The following ANKFN1 variants were observed in gnomAD, a reference collection of about 807,000 sequenced individuals.
ANKFN1 encodes the protein ankyrin repeat and fibronectin type III domain containing 1.
In ANKFN1, 74 loss-of-function variants were observed where a neutral mutation model predicts 108.7. That is an observed-to-expected ratio of 0.68 (90% CI 0.56 to 0.83). The LOEUF (loss-of-function observed/expected upper bound fraction) is 0.83. ANKFN1 is among the 40% of genes least tolerant of loss of function. ANKFN1 has a pLI of 0.00. For missense variants in ANKFN1, 1,505 were observed against 1,382.3 expected, an observed-to-expected ratio of 1.09 and a Z score of -1.41; for synonymous variants, 547 against 516.2, an observed-to-expected ratio of 1.06 and a Z score of -0.81.
Position 56,510,826 on chromosome 17 carries a change from C to A in ANKFN1, c.2998C>A (p.Arg1000=). 1.3e-6 allele frequency: 2 copies of A among 1,536,184 alleles called. No individual in the cohort carries two copies. Residue 1000 remains arginine (R), a synonymous_variant, in exon 21 of 21, where the codon CGG becomes AGG. Coordinates refer to ENST00000682825, the MANE Select transcript of ANKFN1 (RefSeq NM_001370326.1). ...GCCCCCGCTAGGCTTCCTGGGAAAG[C>A]GGAAGCCAGGCAAGCACCCCCACTA... ...GRPPLGFLGK[R]KPGKHPHYGG... is the part of the protein sequence containing the mutation.
chr17:56,321,544 T>C, intron 3 of ANKFN1, among the ~76,000 whole-genome samples: 1 of 152,044 alleles, frequency 6.6e-6, no homozygotes, highest in East Asian at 1.9e-4. Flanking sequence ...TTTAAATTTA[T>C]GTCTAACAAA....
upstream of ANKFN1, among the ~76,000 whole-genome samples, chr17:56,152,262 ATGTGTGTGTG>A (rs200366444): frequency 3.6e-4 from 28 of 77,830 alleles, no homozygotes; most frequent in Admixed American, 1.5e-3. Context: ...ATATATATAT[ATGTGTGTGTG>A]TGTGTGTGTG....
chr17:56,300,296 C>G (rs575343777), intron 3 of ANKFN1, among the ~76,000 whole-genome samples: 2 of 152,166 alleles, frequency 1.3e-5, no homozygotes, highest in African/African-American at 4.8e-5. Context: ...AGATGTCGCT[C>G]GATGAGGGCA....
chr17:56,247,892 A>G (rs1019066589), intron 3 of ANKFN1, among the ~76,000 whole-genome samples: 1 of 152,200 alleles, frequency 6.6e-6, no homozygotes, highest in Non-Finnish European at 1.5e-5. Context: ...TTTGTTGCCT[A>G]TATCAAATGT....
In ANKFN1 at chr17:56,492,295, C is replaced by T. The variant is rs1260532338; in HGVS notation, c.2369C>T (p.Ser790Leu). Residue 790 changes from serine (S) to leucine (L), a missense_variant, in exon 19 of 21, where the codon TCA becomes TTA. Coordinates refer to ENST00000682825, the MANE Select transcript of ANKFN1 (RefSeq NM_001370326.1). Reference sequence around the variant, plus strand: ...CAACAGTCCCTCAGGGAAGCAATCTCAGACAGCGAGGTTGCAGCTGCCAAA... The same window carrying T: ...CAACAGTCCCTCAGGGAAGCAATCTTAGACAGCGAGGTTGCAGCTGCCAAA... ...NTQQSLREAI[S>L]DSEVAAAKQR... The T allele has an allele frequency of 4.3e-6, 3 of 702,598 alleles. No homozygotes were observed. Among genetic ancestry groups the T allele is most frequent in the Admixed American group, 2.0e-5 (1 of 50,008 alleles). The allele number at this position is 702,598 out of a possible 1,614,324, so 43.5% of individuals were successfully genotyped here.
chr17:56,089,903 T>C (rs899056762), intron 4 of ANKFN1, among the ~76,000 whole-genome samples: 2 of 151,292 alleles, frequency 1.3e-5, no homozygotes, highest in Non-Finnish European at 3.0e-5. Context: ...ACGTATTGGC[T>C]GGAAAATGGC....
At chr17:56,131,430 T>G (rs1404041794) in intron 4 of ANKFN1, among the ~76,000 whole-genome samples, 1 of 152,152 alleles carries the variant, frequency 6.6e-6, no homozygotes, top group Non-Finnish European at 1.5e-5. Flanking sequence ...GGCCACTAAA[T>G]CAGAAATCTC....
intron 6 of ANKFN1, among the ~76,000 whole-genome samples, chr17:56,354,852 A>T (rs555402843): frequency 6.6e-6 from 1 of 152,336 alleles, no homozygotes; most frequent in South Asian, 2.1e-4. Flanking sequence ...ACTTAAGTTG[A>T]TTCTACACCT....
chr17:56,307,781 A>G (rs1224131959), intron 3 of ANKFN1, among the ~76,000 whole-genome samples: 1 of 152,218 alleles, frequency 6.6e-6, no homozygotes, highest in African/African-American at 2.4e-5. Flanking sequence ...ATGCACACGT[A>G]TGTTTATTGC....
In ANKFN1 at chr17:56,511,420, T is replaced by C. The variant is rs1351627089; in HGVS notation, c.*151T>C. ...GTTACAAGTTCAAGGTCCTCTTTTT[T>C]TGGAACAGAGTGGTGGGTGGAGGCC... On this transcript the variant is annotated 3_prime_UTR_variant, in exon 21 of 21. Coordinates refer to ENST00000682825, the MANE Select transcript of ANKFN1 (RefSeq NM_001370326.1). 8.5e-6 allele frequency: 8 copies of C among 937,648 alleles called. No individual in the cohort carries two copies. The Admixed American group carries it at 2.4e-4, about 28-fold the overall frequency. The allele number at this position is 937,648 out of a possible 1,614,324, so 58.1% of individuals were successfully genotyped here.
chr17:56,106,933 G>A (rs1295848466), intron 4 of ANKFN1, among the ~76,000 whole-genome samples: 1 of 152,166 alleles, frequency 6.6e-6, no homozygotes, highest in Non-Finnish European at 1.5e-5. Context: ...ACACTGAGAG[G>A]TTTTTACAGT....
At chr17:56,115,928 C>A (rs1364362514) in intron 4 of ANKFN1, among the ~76,000 whole-genome samples, 1 of 152,132 alleles carries the variant, frequency 6.6e-6, no homozygotes, top group Non-Finnish European at 1.5e-5. Context: ...AGCACCTTCC[C>A]TACTAGCTAT....
intron 8 of ANKFN1, among the ~76,000 whole-genome samples, chr17:56,432,426 A>G (rs1344095137): frequency 1.3e-5 from 2 of 152,234 alleles, no homozygotes; most frequent in African/African-American, 4.8e-5. Context: ...AAATATTACT[A>G]CACATAGTAA....
chr17:56,420,184 G>A (rs1213532553), intron 8 of ANKFN1, among the ~76,000 whole-genome samples: 2 of 152,172 alleles, frequency 1.3e-5, no homozygotes, highest in African/African-American at 4.8e-5. Flanking sequence ...ATAGATGGAT[G>A]GGAAATGAAT....
chr17:56,363,511 G>A (rs563057212), intron 6 of ANKFN1, among the ~76,000 whole-genome samples: 10 of 152,228 alleles, frequency 6.6e-5, no homozygotes, highest in African/African-American at 1.9e-4. Context: ...AAACTAAGTG[G>A]AGTTTCCTCG....
chr17:56,372,981 G>A, intron 7 of ANKFN1, 141 bp downstream of exon 7: 1 of 841,176 alleles, frequency 1.2e-6, no homozygotes. Flanking sequence ...CAAGGGCTCT[G>A]AGAGGCTGTC....
At chr17:56,368,878 T>G (rs909960641) in intron 6 of ANKFN1, among the ~76,000 whole-genome samples, 40 of 152,234 alleles carry the variant, frequency 2.6e-4, no homozygotes, top group African/African-American at 9.2e-4. Flanking sequence ...TTTTGTGTTC[T>G]GTCGCCAACT....
intron 3 of ANKFN1, among the ~76,000 whole-genome samples, chr17:56,302,709 G>C (rs944334381): frequency 1.3e-5 from 2 of 152,152 alleles, no homozygotes; most frequent in African/African-American, 4.8e-5. Context: ...TAATAAGACA[G>C]AGTATATATT....
intron 11 of ANKFN1, among the ~76,000 whole-genome samples, chr17:56,454,642 G>A (rs1375691130): frequency 1.2e-4 from 18 of 152,194 alleles, no homozygotes; most frequent in Admixed American, 8.5e-4. Context: ...TATCCCCAAT[G>A]TCAGAATCTT....
Sources: allele counts gnomAD v4.1 joint callset (sites outside exome capture counted in the v4.1 genomes callset), GRCh38; gene constraint gnomAD v4.1.1; transcripts MANE v1.5; gene names NCBI Gene and HGNC (gene_info 2026-07-23, HGNC 2026-07-21).